SLC44A3: variants seen among roughly 807,000 people sequenced by gnomAD.
The protein encoded by SLC44A3 is choline transporter-like protein 3.
Under a neutral mutation model 75.4 loss-of-function variants are expected in SLC44A3, and 74 were observed. That is an observed-to-expected ratio of 0.98 (90% CI 0.81 to 1.19). The LOEUF (loss-of-function observed/expected upper bound fraction) is 1.19. Ranked by LOEUF, SLC44A3 falls within the 50% of genes most tolerant of loss-of-function variation. The probability of loss-of-function intolerance (pLI) is 0.00; values close to 1 mark genes in which losing one functional copy is unlikely to be tolerated. For missense variants in SLC44A3, 700 were observed against 778.6 expected, an observed-to-expected ratio of 0.90 and a Z score of 1.20; for synonymous variants, 310 against 296.9, an observed-to-expected ratio of 1.04 and a Z score of -0.45.
At chr1:94,835,599 A>G (rs1401469888) in intron 5 of SLC44A3, among the ~76,000 whole-genome samples, 1 of 152,212 alleles carries the variant, frequency 6.6e-6, no homozygotes, top group Non-Finnish European at 1.5e-5. Context: ...CTGCTTATCA[A>G]CTTCCAACTC....
intron 7 of SLC44A3, among the ~76,000 whole-genome samples, chr1:94,840,283 C>CTTTTTTTTTTTTT (rs56383271): frequency 3.2e-4 from 25 of 77,360 alleles, no homozygotes; most frequent in Middle Eastern, 0.013. Flanking sequence ...TTTCTTTTTC[C>CTTTTTTTTTTTTT]TTTTTTTTTT....
At position 94,841,983 on chromosome 1, in the gene SLC44A3, A is replaced by T; in HGVS notation, c.761-17A>T. 6.2e-7 allele frequency: 1 copy of T among 1,603,050 alleles called. No homozygotes were observed. Among genetic ancestry groups the T allele is most frequent in the Non-Finnish European group, 8.5e-7 (1 of 1,175,780 alleles). On this transcript the variant is annotated splice_polypyrimidine_tract_variant and intron_variant, in intron 7 of 14. Coordinates refer to ENST00000271227, the MANE Select transcript of SLC44A3 (RefSeq NM_001114106.3). The stretch of plus-strand genomic sequence containing the variant: ...CATGGCGTGTGCCCTGAGCTCTGCT[A>T]CTGTTCTCTTTTCTAGTTGTCTGCG...
At chr1:94,864,937 T>C (rs1557860570) in intron 11 of SLC44A3, 38 bp downstream of exon 11, 1 of 1,597,632 alleles carries the variant, frequency 6.3e-7, no homozygotes, top group Non-Finnish European at 8.5e-7. Context: ...GTTCTGTGTT[T>C]GGGTTGCCAG....
intron 12 of SLC44A3, among the ~76,000 whole-genome samples, chr1:94,874,052 C>G (rs758097639): frequency 1.3e-5 from 2 of 152,086 alleles, no homozygotes; most frequent in South Asian, 4.1e-4. Context: ...CTCGTGTGTG[C>G]GTGCTTCAGA....
chr1:94,834,638 C>T (rs545051517), intron 5 of SLC44A3, among the ~76,000 whole-genome samples: 29 of 152,154 alleles, frequency 1.9e-4, no homozygotes, highest in Middle Eastern at 3.4e-3. Flanking sequence ...GCACCCACCA[C>T]GACACCTGGC....
At chr1:94,889,542 ACACACACACAC>A (rs1235918350) in intron 12 of SLC44A3, among the ~76,000 whole-genome samples, 1 of 112,140 alleles carries the variant, frequency 8.9e-6, no homozygotes, top group Non-Finnish European at 2.3e-5. Context: ...ACACACACAC[ACACACACACAC>A]ATTTGTAGTC....
At chr1:94,873,804 AG>A (rs1314598961) in intron 12 of SLC44A3, among the ~76,000 whole-genome samples, 2 of 152,336 alleles carry the variant, frequency 1.3e-5, no homozygotes, top group East Asian at 3.9e-4. Flanking sequence ...TGTGCATCTC[AG>A]AAAAAAAGTA....
At chr1:94,824,663 G>A (rs751685870) in intron 3 of SLC44A3, 28 bp downstream of exon 3, 42 of 1,524,878 alleles carry the variant, frequency 2.8e-5, no homozygotes, top group Non-Finnish European at 3.6e-5. Context: ...TCCCCAGTCT[G>A]TAAGGAACTG....
chr1:94,839,874 T>G, intron 6 of SLC44A3, 74 bp from the exon 7 acceptor site: 1 of 1,044,688 alleles, frequency 9.6e-7, no homozygotes, highest in Non-Finnish European at 1.5e-6. Context: ...GAGGGTTTTG[T>G]CATCGCAGTA....
At position 94,845,416 on chromosome 1, in the gene SLC44A3, T is replaced by G; in HGVS notation, c.1024T>G (p.Phe342Val). 1 of 1,613,974 alleles carries G rather than the reference T, an allele frequency of 6.2e-7. No homozygotes were observed. Among genetic ancestry groups the G allele is most frequent in the South Asian group, 1.1e-5 (1 of 91,078 alleles). ...ACTGTGGACATTTGCCATCCTCATT[T>G]TCTTCTGGGTCCTCTGGGTGGCTGT... The part of the protein sequence containing the change: ...QPLWTFAILI[F>V]FWVLWVAVLL... The change falls in exon 9 of 15, where the codon TTC (phenylalanine) becomes GTC (valine). Residue 342 changes from phenylalanine to valine, a missense_variant. Transcript: ENST00000271227.
At chr1:94,840,770 T>C (rs859114) in intron 7 of SLC44A3, among the ~76,000 whole-genome samples, 82,349 of 152,150 alleles carry the variant, frequency 0.54, 22,390 homozygotes, top group East Asian at 0.69. Flanking sequence ...CATGTAAAGG[T>C]TCTGACCAGC....
Position 94,828,588 on chromosome 1 carries a change from T to A in SLC44A3, c.509+2T>A, listed in dbSNP as rs1291000486. 4 of 1,613,228 alleles carry A rather than the reference T, an allele frequency of 2.5e-6. No individual in the cohort carries two copies. The highest frequency in any genetic ancestry group is 3.4e-6 in the Non-Finnish European group (4 of 1,179,552). On this transcript the variant is annotated splice_donor_variant, in intron 5 of 14. Transcript: ENST00000271227. LOFTEE classifies it high-confidence loss of function. ...TCCCAGGCTACCAGTTCCTCCAAGG[T>A]AAAAGCTTCCATACTTTTTCCTTAA... is the stretch of plus-strand genomic sequence containing the variant.
At chr1:94,892,229 C>T in intron 13 of SLC44A3, 52 bp from the exon 14 acceptor site, 2 of 1,531,282 alleles carry the variant, frequency 1.3e-6, no homozygotes, top group Non-Finnish European at 1.8e-6. Flanking sequence ...CTGACAAAAA[C>T]ATCTAAGCAA....
At chr1:94,830,980 T>G (rs924688438) in intron 5 of SLC44A3, among the ~76,000 whole-genome samples, 1 of 152,206 alleles carries the variant, frequency 6.6e-6, no homozygotes, top group African/African-American at 2.4e-5. Flanking sequence ...CTGAGAAAAC[T>G]GATGCAGAGA....
intron 10 of SLC44A3, among the ~76,000 whole-genome samples, chr1:94,860,645 T>G (rs1437200273): frequency 6.6e-6 from 1 of 152,228 alleles, no homozygotes; most frequent in African/African-American, 2.4e-5. Flanking sequence ...AGTGAAAGAT[T>G]ATTTCCAACC....
Position 94,820,971 on chromosome 1 carries a change from G to A in SLC44A3, c.50G>A (p.Arg17Lys). 6.4e-7 allele frequency: 1 copy of A among 1,551,454 alleles called. No individual in the cohort carries two copies. Among genetic ancestry groups the A allele is most frequent in the Non-Finnish European group, 8.7e-7 (1 of 1,146,816 alleles). ...AAGGTTTCTGCAGAAGGAGCCCCTA[G>A]GCAAAGGGAGTGGCGACCCCAGATT... The part of the protein sequence containing the change: ...EYLVSAEGAP[R>K]QREWRPQIYR... Residue 17 changes from arginine to lysine, a missense_variant, in exon 2 of 15, where the codon AGG (arginine) becomes AAG (lysine). Physicochemically the swap from Arg to Lys is conservative, Grantham distance 26. Transcript: ENST00000271227.
chr1:94,887,650 G>T (rs943199), intron 12 of SLC44A3, among the ~76,000 whole-genome samples: 90,332 of 152,054 alleles, frequency 0.59, 28,521 homozygotes, highest in Non-Finnish European at 0.71. Flanking sequence ...GCAGTGATCT[G>T]CAGAAAAAGA....
chr1:94,827,035 G>A (rs145883803), intron 3 of SLC44A3, among the ~76,000 whole-genome samples: 60 of 152,332 alleles, frequency 3.9e-4, no homozygotes, highest in African/African-American at 1.4e-3. Context: ...TGGGAGAAGG[G>A]GGAAAAGACA....
chr1:94,868,374 A>G (rs1667396598), intron 12 of SLC44A3, among the ~76,000 whole-genome samples: 1 of 152,216 alleles, frequency 6.6e-6, no homozygotes, highest in Non-Finnish European at 1.5e-5. Context: ...TTTAAGGGGT[A>G]TTTAGAATAC....
Sources: gnomAD v4.1 joint callset for allele counts (sites outside exome capture counted in the v4.1 genomes callset) on GRCh38, gnomAD v4.1.1 for gene constraint, MANE v1.5 for transcripts, NCBI Gene and HGNC (gene_info 2026-07-23, HGNC 2026-07-21) for gene names.